Variants in PRKN observed in about 807,000 individuals in gnomAD.
PRKN encodes parkin RBR E3 ubiquitin protein ligase, also known as E3 ubiquitin-protein ligase parkin.
A neutral mutation model predicts 59.5 loss-of-function variants in PRKN; 56 were observed. The ratio of observed to expected loss-of-function variants is 0.94; its 90% CI spans 0.76 to 1.18. The LOEUF (loss-of-function observed/expected upper bound fraction) is 1.18. Among genes scored for constraint, PRKN ranks in the 50% most tolerant of loss-of-function variants. The pLI, the probability that PRKN is intolerant of heterozygous loss-of-function variation, is 0.00. For synonymous variants in PRKN, 250 were observed against 222.1 expected (o/e 1.13, Z -1.12); for missense variants, 657 against 596.4 (o/e 1.10, Z -1.06).
chr6:162,524,203 G>C (rs570634935), intron 1 of PRKN, among the ~76,000 whole-genome samples: 138 of 152,248 alleles, frequency 9.1e-4, no homozygotes, highest in African/African-American at 3.2e-3. Flanking sequence ...AGGAGCTATT[G>C]TAACCCTGGA....
chr6:161,821,325 A>G (rs905008652), intron 6 of PRKN, among the ~76,000 whole-genome samples: 12 of 152,170 alleles, frequency 7.9e-5, no homozygotes, highest in Non-Finnish European at 1.6e-4. Flanking sequence ...TATCCTGTGC[A>G]TATCGATCCA....
intron 6 of PRKN, among the ~76,000 whole-genome samples, chr6:161,809,257 A>AG (rs1199631737): frequency 1.3e-5 from 2 of 151,192 alleles, no homozygotes; most frequent in Admixed American, 6.6e-5. Context: ...CCTCAAAGGC[A>AG]GGGGGGGAAG....
chr6:161,591,920 C>T (rs575497950), intron 7 of PRKN, among the ~76,000 whole-genome samples: 2 of 152,090 alleles, frequency 1.3e-5, no homozygotes, highest in African/African-American at 4.8e-5. Flanking sequence ...CTTACCTGTA[C>T]GGTTGTCCCT....
chr6:162,364,979 C>T (rs10455902), intron 2 of PRKN, among the ~76,000 whole-genome samples: 34,009 of 126,204 alleles, frequency 0.27, 4,654 homozygotes, highest in African/African-American at 0.31. Flanking sequence ...CTCTCTCTCT[C>T]TTTTTTTTTT....
At chr6:162,653,846 A>G (rs1778539410) in intron 1 of PRKN, among the ~76,000 whole-genome samples, 1 of 152,224 alleles carries the variant, frequency 6.6e-6, no homozygotes, top group South Asian at 2.1e-4. Context: ...ATTACAGTGT[A>G]TTATTCCTCA....
intron 5 of PRKN, among the ~76,000 whole-genome samples, chr6:162,007,877 C>CAGGT (rs1451822657): frequency 6.6e-6 from 1 of 152,002 alleles, no homozygotes; most frequent in African/African-American, 2.4e-5. Context: ...CCAAAACAAC[C>CAGGT]AGGTGCTCTA....
intron 6 of PRKN, among the ~76,000 whole-genome samples, chr6:161,968,757 A>C (rs1481183478): frequency 1.3e-5 from 2 of 152,180 alleles, no homozygotes; most frequent in Non-Finnish European, 2.9e-5. Context: ...AATTTGATTT[A>C]TCTCCAGGAA....
At chr6:162,718,153 G>T (rs937316170) in intron 1 of PRKN, among the ~76,000 whole-genome samples, 1 of 151,774 alleles carries the variant, frequency 6.6e-6, no homozygotes, top group Non-Finnish European at 1.5e-5. Context: ...ACACATATTT[G>T]TCCATCTTAG....
At chr6:162,298,104 T>C (rs902876932) in intron 2 of PRKN, among the ~76,000 whole-genome samples, 3 of 152,184 alleles carry the variant, frequency 2.0e-5, no homozygotes, top group Non-Finnish European at 2.9e-5. Flanking sequence ...GGCTCCCTTG[T>C]CCTGCAACCT....
chr6:161,395,980 C>G lies in PRKN; in HGVS notation c.1084-9103G>C, dbSNP rs9365284. On this transcript the variant is annotated intron_variant, in intron 9 of 11. Transcript: ENST00000366898. The surrounding 1 kb of genome is among the most constrained non-coding windows in gnomAD (Gnocchi z 5.0). ...GAGAAAGAAACAGTGAATGGGGGAA[C>G]GGCAGCTTCCCTCACTTGTGGCTGT... Among the ~76,000 whole-genome samples, 1 of 152,226 alleles carries G rather than the reference C, an allele frequency of 6.6e-6. No homozygotes were observed. The highest frequency in any genetic ancestry group is 6.5e-5 in the Admixed American group (1 of 15,296).
chr6:161,660,065 C>T (rs1001987001), intron 7 of PRKN, among the ~76,000 whole-genome samples: 2 of 152,140 alleles, frequency 1.3e-5, no homozygotes, highest in African/African-American at 4.8e-5. Flanking sequence ...ATTGTGACTG[C>T]TGTTGCTACT....
rs188600120 is a variant in PRKN at position 161,529,917 on chromosome 6, C to T, written c.1083+18937G>A. Among the ~76,000 whole-genome samples the T allele has an allele frequency of 7.9e-5, 12 of 152,148 alleles. No individual in the cohort carries two copies. The East Asian group carries it at 1.5e-3, about 20-fold the overall frequency. ...CCTTGAGGGACCAGTTCCTTTTCCA[C>T]GGCATATATAATAAAATAACACAGG... On this transcript the variant is annotated intron_variant, in intron 9 of 11. Coordinates refer to ENST00000366898, the MANE Select transcript of PRKN (RefSeq NM_004562.3). The surrounding 1 kb of genome is among the most constrained non-coding windows in gnomAD (Gnocchi z 4.4).
chr6:162,052,941 T>C (rs1328796002), intron 5 of PRKN, among the ~76,000 whole-genome samples: 1 of 152,162 alleles, frequency 6.6e-6, no homozygotes, highest in East Asian at 1.9e-4. Flanking sequence ...TATGCTATAA[T>C]ATATACATAT....
chr6:162,364,428 C>T (rs1785309422), intron 2 of PRKN, among the ~76,000 whole-genome samples: 1 of 152,010 alleles, frequency 6.6e-6, no homozygotes, highest in Non-Finnish European at 1.5e-5. Context: ...AACTTTTCTT[C>T]CTTTTGACTA....
intron 1 of PRKN, among the ~76,000 whole-genome samples, chr6:162,541,184 C>A (rs1267630019): frequency 6.6e-6 from 1 of 152,326 alleles, no homozygotes; most frequent in South Asian, 2.1e-4. Context: ...GCTGCCAAAA[C>A]CCTTGCCCTC....
intron 2 of PRKN, among the ~76,000 whole-genome samples, chr6:162,412,707 C>T (rs1388406191): frequency 2.0e-5 from 3 of 152,034 alleles, no homozygotes; most frequent in Non-Finnish European, 4.4e-5. Context: ...AGCTCAACTG[C>T]AAGTTAAATT....
intron 7 of PRKN, among the ~76,000 whole-genome samples, chr6:161,618,110 T>C (rs1377916049): frequency 2.6e-5 from 4 of 152,230 alleles, no homozygotes; most frequent in South Asian, 2.1e-4. Flanking sequence ...GCTTAATCAA[T>C]GTTACTTTGG....
chr6:161,472,144 T>G (rs890301446), intron 9 of PRKN, among the ~76,000 whole-genome samples: 1 of 152,134 alleles, frequency 6.6e-6, no homozygotes, highest in Non-Finnish European at 1.5e-5. Flanking sequence ...GGATAAGCCC[T>G]TCACAGAAGG....
chr6:161,972,622 T>C (rs907043001), intron 6 of PRKN, among the ~76,000 whole-genome samples: 1 of 152,214 alleles, frequency 6.6e-6, no homozygotes, highest in African/African-American at 2.4e-5. Context: ...TTTGAGTGCA[T>C]GAATGTGTGC....
Sources: allele counts gnomAD v4.1 joint callset (sites outside exome capture counted in the v4.1 genomes callset), GRCh38; gene constraint gnomAD v4.1.1; non-coding constraint Gnocchi (gnomAD v3.1); transcripts MANE v1.5; gene names NCBI Gene and HGNC (gene_info 2026-07-23, HGNC 2026-07-21).